The following EIF2AK1 variants were observed in gnomAD, a reference collection of about 807,000 sequenced individuals.
EIF2AK1 encodes the protein eukaryotic translation initiation factor 2-alpha kinase 1.
EIF2AK1 carries 54 observed loss-of-function variants against 77.9 expected under a neutral mutation model. The observed-to-expected ratio is 0.69, with a 90% CI of 0.56 to 0.87. The LOEUF is 0.87. EIF2AK1 is among the 40% of genes least tolerant of loss of function. EIF2AK1 has a pLI of 0.00. For missense variants in EIF2AK1, 810 were observed against 768.6 expected (o/e 1.05, Z -0.64); for synonymous variants, 314 against 290.5 (o/e 1.08, Z -0.82).
At position 6,026,724 on chromosome 7, in the gene EIF2AK1, A is replaced by G; in HGVS notation, c.1764+4T>C. ...CCAGGACCAAGAGAAAGAAAAGCAC[A>G]TACATTTCCAGAATTTTGGAAAAGT... On this transcript the variant is annotated splice_donor_region_variant and intron_variant, in intron 14 of 14. Transcript: ENST00000199389. 2 of 1,610,916 alleles carry G rather than the reference A, an allele frequency of 1.2e-6. No homozygotes were observed. Among genetic ancestry groups the G allele is most frequent in the Non-Finnish European group, 1.7e-6 (2 of 1,177,068 alleles).
At chr7:6,054,469 G>A (rs1457446003) in intron 2 of EIF2AK1, 77 bp downstream of exon 2, 5 of 1,534,664 alleles carry the variant, frequency 3.3e-6, no homozygotes, top group African/African-American at 2.7e-5. Flanking sequence ...CTCCCAAAGT[G>A]CTGGGATTAC....
intron 4 of EIF2AK1, 192 bp from the exon 5 acceptor site, chr7:6,047,283 C>T (rs556718183): frequency 4.3e-5 from 30 of 698,134 alleles, no homozygotes; most frequent in Middle Eastern, 2.4e-4. Flanking sequence ...TTACCAGTAA[C>T]GGGTATTCCA....
Position 6,024,236 on chromosome 7 carries a change from C to T in EIF2AK1, c.*437G>A. On this transcript the variant is annotated 3_prime_UTR_variant, in exon 15 of 15. Coordinates refer to ENST00000199389, the MANE Select transcript of EIF2AK1 (RefSeq NM_014413.4). ...GCCAAGGAATGAAATGATGAGGCGT[C>T]CTTCAGGTAATGAACTTCAGCTGCA... is the stretch of plus-strand genomic sequence containing the variant. The T allele has an allele frequency of 8.2e-7, 1 of 1,218,790 alleles. No homozygotes were observed. Among genetic ancestry groups the T allele is most frequent in the Non-Finnish European group, 1.0e-6 (1 of 958,474 alleles). 75.5% of individuals were successfully genotyped at this position (1,218,790 alleles called of 1,614,324 possible).
intron 6 of EIF2AK1, among the ~76,000 whole-genome samples, chr7:6,044,957 G>A (rs1788404580): frequency 6.6e-6 from 1 of 152,052 alleles, no homozygotes; most frequent in Middle Eastern, 3.4e-3. Flanking sequence ...TATAATGTTC[G>A]GTAGGTTATG....
chr7:6,023,226 T>C lies in EIF2AK1; in HGVS notation c.*1447A>G. On this transcript the variant is annotated 3_prime_UTR_variant, in exon 15 of 15. Coordinates refer to ENST00000199389, the MANE Select transcript of EIF2AK1 (RefSeq NM_014413.4). Reference sequence around the variant, plus strand: ...TCATCAGTCTGTGGTGTTTGGTGACTGTCCCCTTCCCCACTGTGCGAGTAC... The same window carrying C: ...TCATCAGTCTGTGGTGTTTGGTGACCGTCCCCTTCCCCACTGTGCGAGTAC... The C allele has an allele frequency of 6.8e-7, 1 of 1,478,116 alleles. No homozygotes were observed. The highest frequency in any genetic ancestry group is 9.0e-7 in the Non-Finnish European group (1 of 1,112,500). 91.6% of individuals were successfully genotyped at this position (1,478,116 alleles called of 1,614,324 possible).
intron 11 of EIF2AK1, chr7:6,031,621 G>GA: frequency 1.3e-6 from 2 of 1,537,068 alleles, no homozygotes; most frequent in Non-Finnish European, 1.8e-6. Context: ...GTCACTTCTG[G>GA]AAAAAAGTCA....
At chr7:6,025,452 G>A (rs1052942546) in intron 14 of EIF2AK1, among the ~76,000 whole-genome samples, 3 of 152,068 alleles carry the variant, frequency 2.0e-5, no homozygotes, top group Non-Finnish European at 4.4e-5. Flanking sequence ...GAGCCACCAC[G>A]CCCAATGCTT....
In EIF2AK1 at chr7:6,040,360, C is replaced by G. The variant is rs542918326; in HGVS notation, c.1119+532G>C. Among the ~76,000 whole-genome samples the G allele has an allele frequency of 5.9e-5, 9 of 152,164 alleles. No homozygotes were observed. In the East Asian group the frequency reaches 1.5e-3, roughly 26 times the overall value. ...GAGCCACCACACCCGGCCTAATGTT[C>G]ATGTTTTTAATATTACTACTTAAAA... On this transcript the variant is annotated intron_variant, in intron 9 of 14. Coordinates refer to ENST00000199389, the MANE Select transcript of EIF2AK1 (RefSeq NM_014413.4).
intron 11 of EIF2AK1, among the ~76,000 whole-genome samples, chr7:6,034,900 C>CA (rs1170083667): frequency 2.0e-5 from 3 of 152,152 alleles, no homozygotes; most frequent in East Asian, 3.9e-4. Context: ...CCTACACACT[C>CA]ACGCAGAAAA....
At chr7:6,054,207 C>CTTTATTTA (rs55688803) in intron 2 of EIF2AK1, among the ~76,000 whole-genome samples, 10 of 150,854 alleles carry the variant, frequency 6.6e-5, no homozygotes, top group African/African-American at 2.2e-4. Flanking sequence ...TTTTTACAAG[C>CTTTATTTA]TTTATTTATT....
chr7:6,046,733 C>A (rs911099936), intron 5 of EIF2AK1: 3 of 292,736 alleles, frequency 1.0e-5, no homozygotes, highest in Non-Finnish European at 1.9e-5. Context: ...GAAACCCCGT[C>A]TCTATTAAAA....
chr7:6,045,753 A>ATATATATATATATATATATATATAT, intron 6 of EIF2AK1, among the ~76,000 whole-genome samples: 1 of 148,974 alleles, frequency 6.7e-6, no homozygotes. Flanking sequence ...ATATATATAT[A>ATATATATATATATATATATATATAT]AATTAGCCAG....
At position 6,028,993 on chromosome 7, in the gene EIF2AK1, T is replaced by C; in HGVS notation, c.1372A>G (p.Lys458Glu). The C allele has an allele frequency of 6.2e-7, 1 of 1,613,210 alleles. No individual in the cohort carries two copies. The highest frequency in any genetic ancestry group is 8.5e-7 in the Non-Finnish European group (1 of 1,179,870). The change falls in exon 12 of 15, where the codon AAA becomes GAA. Residue 458 changes from lysine (K) to glutamate (E), a missense_variant. Around this residue, in one of 3 missense-constraint regions of EIF2AK1, gnomAD observed 549 missense variants for 533.7 expected, o/e 1.03. Transcript: ENST00000199389. ...IFLHGPDQQV[K>E]IGDFGLACTD... ...CAGGCCAGACCAAAGTCTCCTATTT[T>C]TACTTGCTGATCAGGGCCATGAAGA...
At position 6,026,929 on chromosome 7, in the gene EIF2AK1, T is replaced by C; in HGVS notation, c.1563A>G (p.Leu521=). The part of the protein sequence containing the change: ...SDMYSLGVVL[L]ELFQPFGTEM... The stretch of plus-strand genomic sequence containing the variant: ...CTGTTCCAAACGGCTGAAAGAGCTC[T>C]AGCAGGACCACACCCAAGCTGTACA... The change falls in exon 14 of 15, where the codon CTA becomes CTG. Residue 521 remains leucine (L), a synonymous_variant. Coordinates refer to ENST00000199389, the MANE Select transcript of EIF2AK1 (RefSeq NM_014413.4). The C allele has an allele frequency of 6.2e-7, 1 of 1,614,106 alleles. No individual in the cohort carries two copies. The highest frequency in any genetic ancestry group is 1.1e-5 in the South Asian group (1 of 91,084).
intron 2 of EIF2AK1, among the ~76,000 whole-genome samples, chr7:6,050,276 C>A (rs1202908867): frequency 6.6e-6 from 1 of 152,140 alleles, no homozygotes; most frequent in African/African-American, 2.4e-5. Flanking sequence ...CTCACTGTAA[C>A]CTCCACCTCC....
At chr7:6,052,938 G>C (rs1451578557) in intron 2 of EIF2AK1, among the ~76,000 whole-genome samples, 1 of 151,804 alleles carries the variant, frequency 6.6e-6, no homozygotes, top group Non-Finnish European at 1.5e-5. Context: ...ACTCCAGCCT[G>C]GGCAACAGAG....
chr7:6,046,959 G>A, intron 5 of EIF2AK1, 33 bp downstream of exon 5: 2 of 1,501,292 alleles, frequency 1.3e-6, no homozygotes, highest in Non-Finnish European at 1.8e-6. Flanking sequence ...ATTATTTAGG[G>A]TAGTAGGTCA....
chr7:6,032,867 T>C lies in EIF2AK1; in HGVS notation c.1333-3835A>G, dbSNP rs1787956730. On this transcript the variant is annotated intron_variant, in intron 11 of 14. Transcript: ENST00000199389. This position sits in a 1 kb window ranked among gnomAD's most constrained non-coding sequence, Gnocchi z 4.3. Reference sequence around the variant, plus strand: ...ACAGAGTCTATCATCCCCATCCATCTGGCTGCCAAGTACCACAAGGCCCAG... The same window carrying C: ...ACAGAGTCTATCATCCCCATCCATCCGGCTGCCAAGTACCACAAGGCCCAG... 6.4e-7 allele frequency: 1 copy of C among 1,551,058 alleles called. No individual in the cohort carries two copies. The highest frequency in any genetic ancestry group is 8.7e-7 in the Non-Finnish European group (1 of 1,147,018).
chr7:6,027,179 T>C lies in EIF2AK1; in HGVS notation c.1531-218A>G, dbSNP rs1323352281. Among the ~76,000 whole-genome samples, 1 of 152,120 alleles carries C rather than the reference T, an allele frequency of 6.6e-6. No individual in the cohort carries two copies. Among genetic ancestry groups the C allele is most frequent in the Non-Finnish European group, 1.5e-5 (1 of 68,018 alleles). ...TGGGCACGCAGAATGGATGGTCAGG[T>C]GGAGGGCAGGGATAATCCCCACCCA... On this transcript the variant is annotated intron_variant, in intron 13 of 14. Coordinates refer to ENST00000199389, the MANE Select transcript of EIF2AK1 (RefSeq NM_014413.4). The surrounding 1 kb of genome is among the most constrained non-coding windows in gnomAD (Gnocchi z 4.5).
Sources: allele counts gnomAD v4.1 joint callset (sites outside exome capture counted in the v4.1 genomes callset), GRCh38; gene constraint gnomAD v4.1.1; regional missense constraint gnomAD v4.1.1; non-coding constraint Gnocchi (gnomAD v3.1); transcripts MANE v1.5; gene names NCBI Gene and HGNC (gene_info 2026-07-23, HGNC 2026-07-21).